The following SOX6 variants were observed in gnomAD, a reference collection of about 807,000 sequenced individuals.
SOX6 encodes SRY-box transcription factor 6.
In SOX6, 11 loss-of-function variants were observed where a neutral mutation model predicts 97.8. That is an observed-to-expected ratio of 0.11 (90% CI 0.07 to 0.19). SOX6 has a LOEUF of 0.19. Among genes scored for constraint, SOX6 ranks in the 10% least tolerant of loss-of-function variants. The pLI, the probability that SOX6 is intolerant of heterozygous loss-of-function variation, is 1.00. For synonymous variants in SOX6, 360 were observed against 371.4 expected, an observed-to-expected ratio of 0.97 and a Z score of 0.35; for missense variants, 810 against 1,039.5, an observed-to-expected ratio of 0.78 and a Z score of 3.04.
chr11:16,543,467 T>G (rs975596183), intron 4 of SOX6, among the ~76,000 whole-genome samples: 31 of 151,922 alleles, frequency 2.0e-4, no homozygotes, highest in African/African-American at 7.0e-4. Flanking sequence ...AGTGATGACA[T>G]GAAAAATTTT....
intron 4 of SOX6, among the ~76,000 whole-genome samples, chr11:16,518,452 C>G (rs890173369): frequency 4.6e-5 from 7 of 152,090 alleles, no homozygotes; most frequent in Non-Finnish European, 1.0e-4. Flanking sequence ...ACAAGTTTTG[C>G]TTTATATTAC....
intron 4 of SOX6, among the ~76,000 whole-genome samples, chr11:16,598,609 T>G (rs1027799264): frequency 1.3e-5 from 2 of 151,522 alleles, no homozygotes; most frequent in South Asian, 4.1e-4. Context: ...AAGTATAAAA[T>G]GTAGCATTTG....
intron 9 of SOX6, among the ~76,000 whole-genome samples, chr11:16,062,841 A>T (rs1244531912): frequency 6.6e-6 from 1 of 151,756 alleles, no homozygotes; most frequent in Non-Finnish European, 1.5e-5. Flanking sequence ...CAACAATGAG[A>T]TATTTGACAC....
At chr11:16,318,846 A>G (rs1323112381) in intron 2 of SOX6, among the ~76,000 whole-genome samples, 193 bp from the exon 3 acceptor site, 1 of 152,150 alleles carries the variant, frequency 6.6e-6, no homozygotes, top group East Asian at 1.9e-4. Context: ...CCGATTAAAC[A>G]AAACATTAAA....
intron 4 of SOX6, among the ~76,000 whole-genome samples, chr11:16,584,739 C>CA (rs1204899629): frequency 2.0e-5 from 3 of 152,128 alleles, no homozygotes; most frequent in Non-Finnish European, 4.4e-5. Flanking sequence ...GGGTCCACAT[C>CA]AAAAAAGCTT....
intron 1 of SOX6, chr11:16,402,884 G>T (rs1169459210): frequency 2.6e-6 from 4 of 1,515,778 alleles, no homozygotes; most frequent in Non-Finnish European, 2.7e-6. Flanking sequence ...ACACTCAGTT[G>T]GGCTGAATTC....
intron 7 of SOX6, among the ~76,000 whole-genome samples, chr11:16,099,696 C>T (rs1203114187): frequency 6.7e-6 from 1 of 149,926 alleles, no homozygotes; most frequent in African/African-American, 2.5e-5. Flanking sequence ...TGCTTCTGTG[C>T]TATGAAATAG....
In SOX6 at chr11:16,583,614, C is replaced by CATATATATATATATAT. The variant is rs534690651; in HGVS notation, n.609+28451_609+28466dup. 3.4e-3 allele frequency among the ~76,000 whole-genome samples: 358 copies of CATATATATATATATAT among 104,122 alleles called. 2 individuals carry two copies. The highest frequency in any genetic ancestry group is 8.5e-3 in the African/African-American group (259 of 30,530). The allele number at this position is 104,122 out of a possible 152,430, so 68.3% of individuals were successfully genotyped here. A position where few individuals can be genotyped will look rare whatever the true frequency, so the allele number is the denominator to read the frequency against. Reference sequence around the variant, plus strand: ...ATATGTATATATGTGTATATATATACATATATATATATATATATATATACA... The same window carrying CATATATATATATATAT: ...ATATGTATATATGTGTATATATATACATATATATATATATATATATATATATATATATATATATACA... On this transcript the variant is annotated intron_variant and non_coding_transcript_variant, in intron 4 of 5. Coordinates refer to the SOX6 transcript ENST00000524520.
chr11:16,639,706 G>T (rs953472444), intron 3 of SOX6, among the ~76,000 whole-genome samples: 2 of 152,082 alleles, frequency 1.3e-5, no homozygotes, highest in Non-Finnish European at 2.9e-5. Context: ...TCATGATTTG[G>T]CTTTCTGTTT....
chr11:16,507,950 G>A lies in SOX6; in HGVS notation n.610-31562C>T, dbSNP rs370809764. 3.2e-4 allele frequency among the ~76,000 whole-genome samples: 49 copies of A among 152,096 alleles called. 1 individual carries two copies. The East Asian group carries it at 4.1e-3, about 13-fold the overall frequency. On this transcript the variant is annotated intron_variant and non_coding_transcript_variant, in intron 4 of 5. Coordinates refer to the SOX6 transcript ENST00000524520. ...AATGAACAGAGTGAAGAGACAATACGTGGAATGGGAGAAAATATTTGTAAA... is the reference window on the plus strand; with the variant it reads ...AATGAACAGAGTGAAGAGACAATACATGGAATGGGAGAAAATATTTGTAAA...
At position 16,301,328 on chromosome 11, in the gene SOX6, A is replaced by G. The variant is rs189392230; in HGVS notation, c.445+17118T>C. ...GAAGATGGCTAAAAATATGTTACCC[A>G]GTCAGAAGTCGATTTAATGCTACCA... On this transcript the variant is annotated intron_variant, in intron 3 of 15. Coordinates refer to ENST00000683767, the MANE Select transcript of SOX6 (RefSeq NM_001367873.1). Among the ~76,000 whole-genome samples the G allele has an allele frequency of 2.6e-5, 4 of 152,346 alleles. No individual in the cohort carries two copies. In the East Asian group the frequency reaches 7.7e-4, roughly 29 times the overall value.
chr11:15,999,567 A>G (rs1364222570), intron 13 of SOX6, among the ~76,000 whole-genome samples: 1 of 152,178 alleles, frequency 6.6e-6, no homozygotes, highest in Non-Finnish European at 1.5e-5. Flanking sequence ...AAAATAAAGC[A>G]GAAAACCAAC....
At chr11:15,986,010 G>C (rs558193222) in intron 15 of SOX6, among the ~76,000 whole-genome samples, 194 bp downstream of exon 15, 2 of 152,212 alleles carry the variant, frequency 1.3e-5, no homozygotes, top group South Asian at 4.1e-4. Context: ...TTCCAGGTTT[G>C]GCTTGATTTG....
intron 3 of SOX6, among the ~76,000 whole-genome samples, chr11:16,272,087 C>T (rs1854276065): frequency 1.3e-5 from 2 of 151,282 alleles, no homozygotes; most frequent in Admixed American, 6.6e-5. Flanking sequence ...GATTATATTT[C>T]CCCTTTTATT....
chr11:16,492,492 G>A (rs1299830645), intron 4 of SOX6, among the ~76,000 whole-genome samples: 1 of 152,142 alleles, frequency 6.6e-6, no homozygotes, highest in African/African-American at 2.4e-5. Context: ...CTCTTAATCA[G>A]CATTGAGTAA....
intron 13 of SOX6, among the ~76,000 whole-genome samples, chr11:15,996,160 T>C (rs1196555162): frequency 1.3e-5 from 2 of 152,076 alleles, no homozygotes; most frequent in African/African-American, 4.8e-5. Flanking sequence ...GTGGGACTTA[T>C]AACATATAAA....
At chr11:16,561,093 AC>A (rs1191427551) in intron 4 of SOX6, among the ~76,000 whole-genome samples, 10 of 152,072 alleles carry the variant, frequency 6.6e-5, no homozygotes, top group Non-Finnish European at 1.3e-4. Context: ...AACCAAAACC[AC>A]CTGTTCCCAA....
chr11:16,127,541 G>T (rs1469312749), intron 6 of SOX6, among the ~76,000 whole-genome samples: 3 of 152,032 alleles, frequency 2.0e-5, no homozygotes, highest in African/African-American at 7.2e-5. Flanking sequence ...AGGAAGAATG[G>T]TATAATAAAC....
At chr11:16,571,744 C>T (rs1210458481) in intron 4 of SOX6, among the ~76,000 whole-genome samples, 3 of 152,100 alleles carry the variant, frequency 2.0e-5, no homozygotes, top group African/African-American at 4.8e-5. Context: ...CTCTGCCTCC[C>T]GGGTTCAAGC....
Sources: allele counts gnomAD v4.1 joint callset (sites outside exome capture counted in the v4.1 genomes callset), GRCh38; gene constraint gnomAD v4.1.1; transcripts MANE v1.5; gene names NCBI Gene and HGNC (gene_info 2026-07-23, HGNC 2026-07-21).